FAM168A: variants seen among roughly 807,000 people sequenced by gnomAD.
FAM168A encodes the protein protein FAM168A.
In FAM168A, 3 loss-of-function variants were observed where a neutral mutation model predicts 28.5. The observed-to-expected ratio is 0.11, with a 90% CI of 0.05 to 0.27. The LOEUF (loss-of-function observed/expected upper bound fraction) is 0.27. Ranked by LOEUF, FAM168A falls within the 10% of genes least tolerant of loss-of-function variation. The pLI is 1.00. For missense variants in FAM168A, 222 were observed against 311.5 expected (o/e 0.71, Z 2.16); for synonymous variants, 122 against 124.2 (o/e 0.98, Z 0.12).
At chr11:73,437,987 T>C (rs1310059566) in intron 2 of FAM168A, among the ~76,000 whole-genome samples, 1 of 152,184 alleles carries the variant, frequency 6.6e-6, no homozygotes, top group African/African-American at 2.4e-5. Flanking sequence ...TCTTGCCTCG[T>C]TGATTCCTCT....
At chr11:73,482,181 CT>C (rs55882143) in intron 1 of FAM168A, among the ~76,000 whole-genome samples, 3,129 of 77,506 alleles carry the variant, frequency 0.04, 148 homozygotes, top group African/African-American at 0.13. Context: ...ATCCAACAGC[CT>C]TTTTTTTTTT....
chr11:73,414,641 A>G (rs537295140), intron 4 of FAM168A, among the ~76,000 whole-genome samples: 17 of 152,372 alleles, frequency 1.1e-4, no homozygotes, highest in African/African-American at 3.8e-4. Context: ...TGATAAATAC[A>G]TTAACTGTTA....
intron 1 of FAM168A, among the ~76,000 whole-genome samples, chr11:73,566,976 G>A (rs1378453118): frequency 6.6e-6 from 1 of 152,168 alleles, no homozygotes; most frequent in Non-Finnish European, 1.5e-5. Context: ...AGTAGAAGAA[G>A]CAACACGAGT....
intron 1 of FAM168A, among the ~76,000 whole-genome samples, chr11:73,529,293 G>T (rs1943486383): frequency 6.6e-6 from 1 of 152,140 alleles, no homozygotes; most frequent in East Asian, 1.9e-4. Flanking sequence ...AGCCAAACCT[G>T]GGCTCATGTC....
chr11:73,476,732 T>A (rs1245564928), intron 1 of FAM168A, among the ~76,000 whole-genome samples: 2 of 151,960 alleles, frequency 1.3e-5, no homozygotes, highest in East Asian at 3.8e-4. Flanking sequence ...GATAATAACT[T>A]ATCAAATAGA....
At chr11:73,536,142 G>A (rs933891286) in intron 1 of FAM168A, among the ~76,000 whole-genome samples, 3 of 151,984 alleles carry the variant, frequency 2.0e-5, no homozygotes, top group South Asian at 2.1e-4. Context: ...CATCACACTC[G>A]GCCAGCATTT....
chr11:73,569,897 T>C (rs1404827497), intron 1 of FAM168A, among the ~76,000 whole-genome samples: 1 of 143,424 alleles, frequency 7.0e-6, no homozygotes, highest in African/African-American at 2.9e-5. Flanking sequence ...CAGCTAAAAG[T>C]ATTACAGCAG....
intron 1 of FAM168A, among the ~76,000 whole-genome samples, chr11:73,539,812 G>C (rs532201438): frequency 2.6e-5 from 4 of 152,208 alleles, no homozygotes; most frequent in Non-Finnish European, 5.9e-5. Flanking sequence ...GGCTGCAATT[G>C]CAAGGGCAGC....
At chr11:73,507,150 T>C (rs1027152160) in intron 1 of FAM168A, among the ~76,000 whole-genome samples, 2 of 152,220 alleles carry the variant, frequency 1.3e-5, no homozygotes, top group African/African-American at 2.4e-5. Context: ...TTAGAGACTT[T>C]TGTTTTTTCC....
At chr11:73,541,752 T>C (rs1018446247) in intron 1 of FAM168A, among the ~76,000 whole-genome samples, 2 of 152,214 alleles carry the variant, frequency 1.3e-5, no homozygotes, top group African/African-American at 4.8e-5. Context: ...TTAAATGAGA[T>C]AAACTTATGA....
At chr11:73,555,229 A>G (rs1482238645) in intron 1 of FAM168A, among the ~76,000 whole-genome samples, 1 of 152,190 alleles carries the variant, frequency 6.6e-6, no homozygotes, top group Non-Finnish European at 1.5e-5. Context: ...GGCCTGTCTC[A>G]GAGGACCTGA....
intron 1 of FAM168A, among the ~76,000 whole-genome samples, chr11:73,473,111 GACTT>G (rs1867838800): frequency 6.6e-6 from 1 of 152,040 alleles, no homozygotes; most frequent in South Asian, 2.1e-4. Context: ...CTGTGCTAAG[GACTT>G]ACTAAGTCCC....
intron 1 of FAM168A, among the ~76,000 whole-genome samples, chr11:73,542,668 T>C (rs1342568376): frequency 6.6e-6 from 1 of 152,224 alleles, no homozygotes; most frequent in Non-Finnish European, 1.5e-5. Flanking sequence ...AACCCTGCAA[T>C]GAGTTATCAT....
intron 1 of FAM168A, among the ~76,000 whole-genome samples, chr11:73,477,949 AT>A (rs1867913041): frequency 6.6e-6 from 1 of 151,228 alleles, no homozygotes; most frequent in African/African-American, 2.5e-5. Flanking sequence ...AGATAGATAG[AT>A]AGATAGATAG....
chr11:73,510,728 G>C (rs539031323), intron 1 of FAM168A: 1 of 374,996 alleles, frequency 2.7e-6, no homozygotes, highest in East Asian at 3.7e-5. Context: ...GAACCATTTG[G>C]ATATATAGGT....
At chr11:73,422,570 C>T (rs1424194310) in intron 3 of FAM168A, among the ~76,000 whole-genome samples, 1 of 152,156 alleles carries the variant, frequency 6.6e-6, no homozygotes, top group Non-Finnish European at 1.5e-5. Flanking sequence ...GAAGACAATC[C>T]CAACTGAAGC....
chr11:73,453,668 T>C (rs12420228), intron 2 of FAM168A, among the ~76,000 whole-genome samples: 11,414 of 152,230 alleles, frequency 0.075, 557 homozygotes, highest in Admixed American at 0.11. Context: ...ACTGAGGCCA[T>C]TGGAAGTAAA....
At chr11:73,477,223 G>C (rs1192722553) in intron 1 of FAM168A, among the ~76,000 whole-genome samples, 1 of 151,952 alleles carries the variant, frequency 6.6e-6, no homozygotes, top group Non-Finnish European at 1.5e-5. Flanking sequence ...TGGGCAGGGA[G>C]GGTTGAAGGA....
chr11:73,540,638 A>G (rs1020744722), intron 1 of FAM168A, among the ~76,000 whole-genome samples: 2 of 152,130 alleles, frequency 1.3e-5, no homozygotes, highest in Non-Finnish European at 2.9e-5. Flanking sequence ...ATGGCTTACT[A>G]CTTAAAATCA....
Sources: gnomAD v4.1 joint callset for allele counts (sites outside exome capture counted in the v4.1 genomes callset) on GRCh38, gnomAD v4.1.1 for gene constraint, MANE v1.5 for transcripts, NCBI Gene and HGNC (gene_info 2026-07-23, HGNC 2026-07-21) for gene names.